CSMD1: variants seen among roughly 807,000 people sequenced by gnomAD.
The protein encoded by CSMD1 is CUB and sushi domain-containing protein 1.
Under a neutral mutation model 417.5 loss-of-function variants are expected in CSMD1, and 213 were observed. The observed-to-expected ratio is 0.51, with a 90% CI of 0.46 to 0.57. The LOEUF (loss-of-function observed/expected upper bound fraction) is 0.57. Among genes scored for constraint, CSMD1 ranks in the 20% least tolerant of loss-of-function variants. The pLI is 0.00. For missense variants in CSMD1, 6,923 were observed against 4,529.7 expected (o/e 1.53, Z -15.17); for synonymous variants, 2,862 against 1,736.8 (o/e 1.65, Z -16.11).
chr8:3,638,987 T>C (rs560405461), intron 7 of CSMD1, among the ~76,000 whole-genome samples: 5 of 152,336 alleles, frequency 3.3e-5, no homozygotes, highest in Non-Finnish European at 7.3e-5. Context: ...AAGGCAGTGT[T>C]GCATTCTTAA....
At chr8:4,043,456 A>G (rs906242632) in intron 3 of CSMD1, among the ~76,000 whole-genome samples, 9 of 152,238 alleles carry the variant, frequency 5.9e-5, no homozygotes, top group African/African-American at 2.2e-4. Context: ...TAATGGATGA[A>G]AAATACACCC....
intron 1 of CSMD1, among the ~76,000 whole-genome samples, chr8:4,817,093 G>C (rs575695080): frequency 6.6e-6 from 1 of 152,062 alleles, no homozygotes; most frequent in South Asian, 2.1e-4. Context: ...ACTTTATTAT[G>C]TGTATATACA....
intron 35 of CSMD1, 124 bp downstream of exon 35, chr8:3,188,763 A>G (rs1796240651): frequency 3.5e-6 from 2 of 571,042 alleles, no homozygotes; most frequent in South Asian, 5.8e-5. Flanking sequence ...TAACCAGTAT[A>G]AAAGGAAAAA....
At chr8:4,005,159 G>C (rs1235857612) in intron 4 of CSMD1, among the ~76,000 whole-genome samples, 2 of 152,080 alleles carry the variant, frequency 1.3e-5, no homozygotes, top group African/African-American at 4.8e-5. Flanking sequence ...GTGGGGAAAG[G>C]GGATAAAAGA....
At chr8:4,075,252 A>G (rs1799761558) in intron 3 of CSMD1, among the ~76,000 whole-genome samples, 1 of 152,170 alleles carries the variant, frequency 6.6e-6, no homozygotes, top group African/African-American at 2.4e-5. Context: ...GATAATCTAA[A>G]AAACAAAGTA....
intron 37 of CSMD1, among the ~76,000 whole-genome samples, chr8:3,178,097 A>T (rs1821056250): frequency 6.6e-6 from 1 of 152,184 alleles, no homozygotes; most frequent in African/African-American, 2.4e-5. Flanking sequence ...ATATACATTA[A>T]ACCAGAGGAT....
At chr8:2,989,588 T>G (rs1806202752) in intron 54 of CSMD1, among the ~76,000 whole-genome samples, 1 of 152,224 alleles carries the variant, frequency 6.6e-6, no homozygotes, top group Non-Finnish European at 1.5e-5. Flanking sequence ...CTGAAGAGTT[T>G]AAAATGCATC....
chr8:3,147,461 G>A (rs970634361), intron 40 of CSMD1, among the ~76,000 whole-genome samples: 1 of 152,198 alleles, frequency 6.6e-6, no homozygotes, highest in African/African-American at 2.4e-5. Flanking sequence ...GAAGGAGTCT[G>A]ACTCCAGCAT....
At chr8:4,040,233 T>C (rs1797816925) in intron 3 of CSMD1, among the ~76,000 whole-genome samples, 1 of 152,228 alleles carries the variant, frequency 6.6e-6, no homozygotes, top group Non-Finnish European at 1.5e-5. Context: ...GTAATTCCAC[T>C]TCATTATTTC....
chr8:3,612,533 C>G (rs1801945022), intron 8 of CSMD1, among the ~76,000 whole-genome samples: 1 of 152,074 alleles, frequency 6.6e-6, no homozygotes, highest in Non-Finnish European at 1.5e-5. Context: ...GGAACATTTA[C>G]CAAGATAGAG....
At chr8:4,118,422 G>C (rs1027060193) in intron 3 of CSMD1, among the ~76,000 whole-genome samples, 9 of 151,300 alleles carry the variant, frequency 5.9e-5, no homozygotes, top group Non-Finnish European at 8.8e-5. Flanking sequence ...AAATCAAAAA[G>C]TATACAAAGG....
chr8:4,912,130 AAAAAAAAAAAAG>A (rs1375313772), intron 1 of CSMD1, among the ~76,000 whole-genome samples: 1 of 143,374 alleles, frequency 7.0e-6, no homozygotes, highest in Non-Finnish European at 1.5e-5. Context: ...TTCAAAAAAA[AAAAAAAAAAAAG>A]AAAGAAAGAA....
chr8:3,723,587 C>G (rs1244672696), intron 6 of CSMD1, among the ~76,000 whole-genome samples: 1 of 152,066 alleles, frequency 6.6e-6, no homozygotes, highest in East Asian at 1.9e-4. Flanking sequence ...GTCTTTTTGC[C>G]AATGATGAAA....
At chr8:2,981,435 G>C (rs976263849) in intron 54 of CSMD1, among the ~76,000 whole-genome samples, 1 of 152,178 alleles carries the variant, frequency 6.6e-6, no homozygotes, top group Non-Finnish European at 1.5e-5. Flanking sequence ...CTCCAGACCT[G>C]GTTCATGACA....
chr8:4,811,502 G>C (rs1798906138), intron 1 of CSMD1, among the ~76,000 whole-genome samples: 1 of 152,016 alleles, frequency 6.6e-6, no homozygotes, highest in African/African-American at 2.4e-5. Flanking sequence ...TAGGGGATTG[G>C]TGGCAATGTA....
intron 3 of CSMD1, among the ~76,000 whole-genome samples, chr8:4,197,687 T>C (rs533030105): frequency 2.0e-5 from 3 of 152,282 alleles, no homozygotes; most frequent in East Asian, 3.9e-4. Flanking sequence ...GAGGCCAGCT[T>C]GGCCAACATA....
At chr8:4,091,789 G>C (rs1030639219) in intron 3 of CSMD1, among the ~76,000 whole-genome samples, 1 of 152,124 alleles carries the variant, frequency 6.6e-6, no homozygotes, top group Non-Finnish European at 1.5e-5. Flanking sequence ...GTAGTCACAA[G>C]GTTGGTAAAA....
At chr8:4,100,473 C>G (rs1009037446) in intron 3 of CSMD1, among the ~76,000 whole-genome samples, 3 of 152,126 alleles carry the variant, frequency 2.0e-5, no homozygotes, top group Non-Finnish European at 4.4e-5. Flanking sequence ...TGTTGCTTAA[C>G]TTTTCTAAGC....
intron 3 of CSMD1, among the ~76,000 whole-genome samples, chr8:4,224,582 T>C: frequency 6.6e-6 from 1 of 152,192 alleles, no homozygotes; most frequent in East Asian, 1.9e-4. Flanking sequence ...CAGTGGTGCC[T>C]CCGGAGTTCC....
Sources: allele counts gnomAD v4.1 joint callset (sites outside exome capture counted in the v4.1 genomes callset), GRCh38; gene constraint gnomAD v4.1.1; transcripts MANE v1.5; gene names NCBI Gene and HGNC (gene_info 2026-07-23, HGNC 2026-07-21).